BBS12: variants seen among roughly 807,000 people sequenced by gnomAD.
The protein encoded by BBS12 is chaperonin-containing T-complex member BBS12.
In BBS12, 5 loss-of-function variants were observed where a neutral mutation model predicts 5.6. The observed-to-expected ratio is 0.89, with a 90% CI of 0.46 to 1.86. The LOEUF (loss-of-function observed/expected upper bound fraction) is 1.86. Ranked by LOEUF, BBS12 falls within the 40% of genes most tolerant of loss-of-function variation. The probability of loss-of-function intolerance (pLI) is 0.01; values close to 1 mark genes in which losing one functional copy is unlikely to be tolerated. For synonymous variants in BBS12, 308 were observed against 306.8 expected, an observed-to-expected ratio of 1.00 and a Z score of -0.04; for missense variants, 748 against 830.4, an observed-to-expected ratio of 0.90 and a Z score of 1.22.
intron 1 of BBS12, among the ~76,000 whole-genome samples, chr4:122,735,728 T>A (rs975027560): frequency 6.6e-6 from 1 of 152,212 alleles, no homozygotes; most frequent in Admixed American, 6.5e-5. Context: ...TCAGGCAATA[T>A]TGTAGGTACT....
In BBS12 at chr4:122,741,615, C is replaced by G. The variant is rs142937454; in HGVS notation, c.-10-268C>G. Among the ~76,000 whole-genome samples, 131 of 152,238 alleles carry G rather than the reference C, an allele frequency of 8.6e-4. 1 individual carries two copies. Among genetic ancestry groups the G allele is most frequent in the African/African-American group, 3.1e-3 (128 of 41,554 alleles). ...CTTGTAACTCTTTCCAGTTATTTTT[C>G]AAGACTCATTCCAAGAATTGCTTTC... On this transcript the variant is annotated intron_variant, in intron 1 of 1. Transcript: ENST00000314218.
upstream of BBS12, among the ~76,000 whole-genome samples, chr4:122,727,709 C>T (rs563498573): frequency 2.0e-5 from 3 of 151,546 alleles, no homozygotes; most frequent in Admixed American, 6.6e-5. Flanking sequence ...CCTGCCACCA[C>T]GTCCAGCTAT....
chr4:122,712,154 CT>C, the BBS12 span, among the ~76,000 whole-genome samples: 1 of 152,364 alleles, frequency 6.6e-6, no homozygotes, highest in Non-Finnish European at 1.5e-5. Context: ...CAGACTTGGA[CT>C]GAGCCAAGTC....
intron 1 of BBS12, among the ~76,000 whole-genome samples, chr4:122,737,508 A>G (rs896661633): frequency 1.3e-5 from 2 of 152,238 alleles, no homozygotes; most frequent in Non-Finnish European, 2.9e-5. Flanking sequence ...AATGAATACT[A>G]CATTACATAA....
the BBS12 span, among the ~76,000 whole-genome samples, chr4:122,725,897 C>CAAAAAA: frequency 5.7e-5 from 3 of 52,484 alleles, no homozygotes; most frequent in Non-Finnish European, 7.4e-5. Flanking sequence ...GACTCTGTCT[C>CAAAAAA]AAAAAAAAAA....
the BBS12 span, among the ~76,000 whole-genome samples, chr4:122,718,039 T>G: frequency 4.6e-5 from 7 of 152,178 alleles, no homozygotes; most frequent in Non-Finnish European, 1.0e-4. Context: ...CTCAGTTTTC[T>G]CAACTGTAAA....
At chr4:122,717,060 G>A in the BBS12 span, among the ~76,000 whole-genome samples, 2 of 152,090 alleles carry the variant, frequency 1.3e-5, no homozygotes, top group South Asian at 4.1e-4. Context: ...CATTGTATGG[G>A]ACCAACCCCT....
chr4:122,713,510 T>TA, the BBS12 span, among the ~76,000 whole-genome samples: 1 of 152,134 alleles, frequency 6.6e-6, no homozygotes, highest in Non-Finnish European at 1.5e-5. Context: ...TCTAAATAAA[T>TA]AAGTTTTTCT....
chr4:122,731,992 A>C (rs1369879528), upstream of BBS12: 1 of 152,258 alleles, frequency 6.6e-6, no homozygotes, highest in Admixed American at 6.5e-5. Context: ...GAAAGCCTTA[A>C]AGATTGCCAC....
chr4:122,711,112 C>G, the BBS12 span, among the ~76,000 whole-genome samples: 1 of 152,304 alleles, frequency 6.6e-6, no homozygotes, highest in South Asian at 2.1e-4. Context: ...GAAACCATCT[C>G]TTTCTCTAAG....
At chr4:122,716,543 G>A in the BBS12 span, among the ~76,000 whole-genome samples, 11 of 108,720 alleles carry the variant, frequency 1.0e-4, no homozygotes, top group South Asian at 5.4e-4. Context: ...ATATACATAT[G>A]TGTATATATA....
chr4:122,711,663 AGTGT>A, the BBS12 span, among the ~76,000 whole-genome samples: 1 of 152,232 alleles, frequency 6.6e-6, no homozygotes, highest in Non-Finnish European at 1.5e-5. Context: ...GGACAGGATT[AGTGT>A]GTTTTCATTG....
upstream of BBS12, chr4:122,732,257 A>T (rs1800707103): frequency 6.6e-6 from 1 of 152,270 alleles, no homozygotes. Context: ...GCAGAACCAG[A>T]ATAATTGATG....
At chr4:122,726,147 G>A in the BBS12 span, among the ~76,000 whole-genome samples, 1 of 152,062 alleles carries the variant, frequency 6.6e-6, no homozygotes, top group Non-Finnish European at 1.5e-5. Context: ...AACCGACAGA[G>A]TGGGAGAAAA....
At chr4:122,723,739 C>T in the BBS12 span, among the ~76,000 whole-genome samples, 6 of 152,120 alleles carry the variant, frequency 3.9e-5, no homozygotes, top group Admixed American at 3.9e-4. Flanking sequence ...TAAACAACAG[C>T]TTAGAGGAAG....
upstream of BBS12, among the ~76,000 whole-genome samples, chr4:122,727,835 G>A (rs1053059296): frequency 6.6e-6 from 1 of 151,924 alleles, no homozygotes; most frequent in Admixed American, 6.6e-5. Context: ...GAGCCACTGT[G>A]CCCAGCCACA....
upstream of BBS12, chr4:122,730,391 T>G (rs897285063): frequency 6.6e-6 from 1 of 152,224 alleles, no homozygotes; most frequent in Non-Finnish European, 1.5e-5. Context: ...ATCATATTGG[T>G]AGAGATGTGT....
chr4:122,724,331 T>C, the BBS12 span, among the ~76,000 whole-genome samples: 1 of 152,190 alleles, frequency 6.6e-6, no homozygotes, highest in East Asian at 1.9e-4. Flanking sequence ...TCCTCAGGAA[T>C]GGTTGGAATA....
the BBS12 span, among the ~76,000 whole-genome samples, chr4:122,704,599 G>A: frequency 6.6e-6 from 1 of 152,162 alleles, no homozygotes; most frequent in East Asian, 1.9e-4. Context: ...TAAGTTCTAA[G>A]CTAGTTCACC....
Sources: gnomAD v4.1 joint callset for allele counts (sites outside exome capture counted in the v4.1 genomes callset) on GRCh38, gnomAD v4.1.1 for gene constraint, MANE v1.5 for transcripts, NCBI Gene and HGNC (gene_info 2026-07-23, HGNC 2026-07-21) for gene names.